BLMH: variants seen among roughly 807,000 people sequenced by gnomAD.
The protein encoded by BLMH is BLM hydrolase.
BLMH carries 32 observed loss-of-function variants against 61.6 expected under a neutral mutation model. That is an observed-to-expected ratio of 0.52 (90% confidence interval 0.39 to 0.70). The LOEUF is 0.70. BLMH is among the 30% of genes least tolerant of loss of function. BLMH has a pLI of 0.00. For missense variants in BLMH, 460 were observed against 555.5 expected (o/e 0.83, Z 1.73); for synonymous variants, 183 against 193.8 (o/e 0.94, Z 0.46).
At chr17:30,271,083 T>TCCC in intron 10 of BLMH, among the ~76,000 whole-genome samples, 188 bp downstream of exon 10, 1 of 152,210 alleles carries the variant, frequency 6.6e-6, no homozygotes. Context: ...CATAGAAAGT[T>TCCC]CCTATTTTTA....
chr17:30,252,415 G>A (rs778044692), intron 11 of BLMH, among the ~76,000 whole-genome samples: 1 of 151,750 alleles, frequency 6.6e-6, no homozygotes, highest in African/African-American at 2.4e-5. Flanking sequence ...ACACTGTGGA[G>A]GCCAGGTGCA....
rs752430988 is a variant in BLMH, at chr17:30,285,421, T to TTC, written c.610_611dup (p.Ile205LysfsTer9). On this transcript the variant is annotated frameshift_variant, in exon 6 of 12. Coordinates refer to ENST00000261714, the MANE Select transcript of BLMH (RefSeq NM_000386.4). LOFTEE classifies it high-confidence loss of function. ...TCATGACGTCCTGTGTGGCCGAGAT[T>TTC]TCTCCTTTGGTTGCTCCACTGTGTA... is the stretch of plus-strand genomic sequence containing the variant. 3 of 1,612,514 alleles carry TTC rather than the reference T, an allele frequency of 1.9e-6. No individual in the cohort carries two copies. The highest frequency in any genetic ancestry group is 2.5e-6 in the Non-Finnish European group (3 of 1,179,204).
Position 30,288,167 on chromosome 17 carries a change from G to A in BLMH, c.322-220C>T, listed in dbSNP as rs1305706605. 9.2e-6 allele frequency: 4 copies of A among 434,590 alleles called. No homozygotes were observed. The East Asian group carries it at 1.2e-4, about 13-fold the overall frequency. 26.9% of individuals were successfully genotyped at this position (434,590 alleles called of 1,614,324 possible). A position where few individuals can be genotyped will look rare whatever the true frequency, so the allele number is the denominator to read the frequency against. On this transcript the variant is annotated intron_variant, in intron 3 of 11. Coordinates refer to ENST00000261714, the MANE Select transcript of BLMH (RefSeq NM_000386.4). ...CCCCAGTTTGGGGACTTACGATGCT[G>A]AAACAAGCACCATAATAAGTATTTT...
chr17:30,248,951 T>G lies in BLMH; in HGVS notation c.*66A>C, dbSNP rs1597653972. 6.3e-7 allele frequency: 1 copy of G among 1,581,140 alleles called. No individual in the cohort carries two copies. Among genetic ancestry groups the G allele is most frequent in the East Asian group, 2.2e-5 (1 of 44,636 alleles). ...GTCCCTTGCATAACTTTGGCTTCAG[T>G]CCCTGGATCTGTCCTTTGCAGCTAC... On this transcript the variant is annotated 3_prime_UTR_variant, in exon 12 of 12. Coordinates refer to ENST00000261714, the MANE Select transcript of BLMH (RefSeq NM_000386.4).
At chr17:30,249,213 C>A (rs759410239) in intron 11 of BLMH, 45 bp from the exon 12 acceptor site, 1 of 1,598,248 alleles carries the variant, frequency 6.3e-7, no homozygotes, top group Non-Finnish European at 8.5e-7. Context: ...GGGCAAGGGA[C>A]AAAGAGCAGA....
At chr17:30,272,296 T>C (rs1908297397) in intron 9 of BLMH, 8 of 493,874 alleles carry the variant, frequency 1.6e-5, no homozygotes, top group Non-Finnish European at 2.9e-5. Context: ...TTAAAGTGTC[T>C]TTCTCATAGA....
At chr17:30,287,719 C>T (rs1022413131) in intron 4 of BLMH, 87 bp downstream of exon 4, 38 of 1,490,720 alleles carry the variant, frequency 2.5e-5, no homozygotes, top group Admixed American at 5.3e-5. Flanking sequence ...CTACTCTGTA[C>T]ACAACCACCA....
At position 30,291,937 on chromosome 17, in the gene BLMH, G is replaced by A; in HGVS notation, c.-118C>T. 1.7e-6 allele frequency: 2 copies of A among 1,158,014 alleles called. No individual in the cohort carries two copies. Among genetic ancestry groups the A allele is most frequent in the Non-Finnish European group, 2.2e-6 (2 of 902,320 alleles). The allele number at this position is 1,158,014 out of a possible 1,614,324, so 71.7% of individuals were successfully genotyped here. ...ACCTGTCTCTCGCACCCGGAGCGCC[G>A]GAAAAAGGAAACCGGCTCGGCGGCG... is the stretch of plus-strand genomic sequence containing the variant. On this transcript the variant is annotated 5_prime_UTR_variant, in exon 1 of 12. Coordinates refer to ENST00000261714, the MANE Select transcript of BLMH (RefSeq NM_000386.4).
At chr17:30,283,937 G>A (rs1908659893) in intron 6 of BLMH, among the ~76,000 whole-genome samples, 2 of 152,172 alleles carry the variant, frequency 1.3e-5, no homozygotes, top group Non-Finnish European at 2.9e-5. Context: ...CCTGCTACGT[G>A]CCAGGCACTA....
chr17:30,286,799 C>T lies in BLMH; in HGVS notation c.552+15G>A. ...GTACACTAAACTCAATCCCACCCTG[C>T]TTCATATATTGTACCTTGTGATTCA... On this transcript the variant is annotated intron_variant, in intron 5 of 11. Coordinates refer to ENST00000261714, the MANE Select transcript of BLMH (RefSeq NM_000386.4). 1 of 1,547,404 alleles carries T rather than the reference C, an allele frequency of 6.5e-7. No homozygotes were observed. Among genetic ancestry groups the T allele is most frequent in the Non-Finnish European group, 8.9e-7 (1 of 1,121,168 alleles).
At chr17:30,270,485 G>C (rs1908239358) in intron 10 of BLMH, among the ~76,000 whole-genome samples, 1 of 144,070 alleles carries the variant, frequency 6.9e-6, no homozygotes, top group Non-Finnish European at 1.5e-5. Context: ...CTGGATGACA[G>C]AGTGAGACTC....
In BLMH at chr17:30,261,136, T is replaced by C. The variant is rs141216766; in HGVS notation, c.1216+5749A>G. 4.1e-3 allele frequency among the ~76,000 whole-genome samples: 625 copies of C among 152,266 alleles called. 5 individuals are homozygous for C. The highest frequency in any genetic ancestry group is 0.014 in the African/African-American group (593 of 41,558). On this transcript the variant is annotated intron_variant, in intron 11 of 11. Transcript: ENST00000261714. The stretch of plus-strand genomic sequence containing the variant: ...TGTACTAGAGATCCAGAACTGAACC[T>C]CAAACAGACCTGCAAATAACTGATT...
At chr17:30,290,616 TATAGAAAGAC>T (rs1908859156) in intron 2 of BLMH, among the ~76,000 whole-genome samples, 5 of 152,348 alleles carry the variant, frequency 3.3e-5, no homozygotes, top group African/African-American at 4.8e-5. Context: ...CGTTTTTAAG[TATAGAAAGAC>T]TTTAAAAAAT....
intron 11 of BLMH, among the ~76,000 whole-genome samples, chr17:30,258,218 G>A (rs1303729485): frequency 6.7e-6 from 1 of 150,248 alleles, no homozygotes; most frequent in Non-Finnish European, 1.5e-5. Context: ...TGGGTTGGAT[G>A]TTTAAAAAAA....
In BLMH at chr17:30,248,339, C is replaced by A. The variant is rs1907581610; in HGVS notation, c.*678G>T. ...TTAAACCATTTGGCTAGAGTTCCCC[C>A]TAATGATTATGACTGAGACCATGAT... On this transcript the variant is annotated 3_prime_UTR_variant, in exon 12 of 12. Transcript: ENST00000261714. The A allele has an allele frequency of 6.6e-6, 1 of 152,448 alleles. No individual in the cohort carries two copies. The highest frequency in any genetic ancestry group is 1.5e-5 in the Non-Finnish European group (1 of 68,020). 9.4% of individuals were successfully genotyped at this position (152,448 alleles called of 1,614,324 possible).
chr17:30,283,794 G>A (rs1366142119), intron 6 of BLMH, among the ~76,000 whole-genome samples: 6 of 152,018 alleles, frequency 3.9e-5, no homozygotes, highest in East Asian at 1.9e-4. Context: ...TGCTGAGACT[G>A]CAGGCATGAG....
chr17:30,274,906 G>A (rs1026036897), intron 6 of BLMH, among the ~76,000 whole-genome samples: 1 of 152,098 alleles, frequency 6.6e-6, no homozygotes, highest in Non-Finnish European at 1.5e-5. Flanking sequence ...TTGAGCCCAG[G>A]AGGCAGAAGC....
chr17:30,262,852 G>C (rs770270238), intron 11 of BLMH, among the ~76,000 whole-genome samples: 3 of 152,128 alleles, frequency 2.0e-5, no homozygotes, highest in Non-Finnish European at 4.4e-5. Flanking sequence ...TTATAAAGCA[G>C]CATGGACAAA....
chr17:30,269,147 A>G (rs1253544875), intron 10 of BLMH, among the ~76,000 whole-genome samples: 6 of 151,110 alleles, frequency 4.0e-5, no homozygotes, highest in Non-Finnish European at 5.9e-5. Context: ...TTATTTGAAA[A>G]ACCTTTTCAT....
Sources: allele counts gnomAD v4.1 joint callset (sites outside exome capture counted in the v4.1 genomes callset), GRCh38; gene constraint gnomAD v4.1.1; transcripts MANE v1.5; gene names NCBI Gene and HGNC (gene_info 2026-07-23, HGNC 2026-07-21).